TPRG1: variants seen among roughly 807,000 people sequenced by gnomAD.
TPRG1 encodes tumor protein p63 regulated 1, also known as tumor protein p63-regulated gene 1 protein.
TPRG1 carries 29 observed loss-of-function variants against 29.3 expected under a neutral mutation model. That is an observed-to-expected ratio of 0.99 (90% CI 0.74 to 1.35). The LOEUF is 1.35. Among genes scored for constraint, TPRG1 ranks in the 40% most tolerant of loss-of-function variants. The pLI is 0.00. For synonymous variants in TPRG1, 130 were observed against 116.8 expected, an observed-to-expected ratio of 1.11 and a Z score of -0.73; for missense variants, 327 against 335.0, an observed-to-expected ratio of 0.98 and a Z score of 0.19.
Position 189,055,970 on chromosome 3 carries a change from C to T in TPRG1, c.-463+32024C>T, listed in dbSNP as rs542135584. ...TTCCCTGTCCATTTGCTCTTTCTTACTCTGCTTCAATGTCACCTCTTGTAT... is the reference window on the plus strand; with the variant it reads ...TTCCCTGTCCATTTGCTCTTTCTTATTCTGCTTCAATGTCACCTCTTGTAT... On this transcript the variant is annotated intron_variant, in intron 4 of 10. Coordinates refer to the TPRG1 transcript ENST00000433971. Among the ~76,000 whole-genome samples, 9 of 152,082 alleles carry T rather than the reference C, an allele frequency of 5.9e-5. No individual in the cohort carries two copies. The East Asian group carries it at 1.6e-3, about 26-fold the overall frequency.
At chr3:189,014,399 A>G (rs1402552178) in intron 3 of TPRG1, among the ~76,000 whole-genome samples, 1 of 152,080 alleles carries the variant, frequency 6.6e-6, no homozygotes, top group Non-Finnish European at 1.5e-5. Flanking sequence ...CTGGGCCCCC[A>G]CTGTAGGTGA....
At chr3:189,008,421 G>A (rs1001145166) in intron 3 of TPRG1, among the ~76,000 whole-genome samples, 12 of 152,144 alleles carry the variant, frequency 7.9e-5, no homozygotes, top group African/African-American at 2.9e-4. Flanking sequence ...GATGATCAGT[G>A]ATTATTATAG....
At chr3:189,315,051 CAGG>C (rs1168194067) in intron 5 of TPRG1, among the ~76,000 whole-genome samples, 2 of 152,116 alleles carry the variant, frequency 1.3e-5, no homozygotes, top group African/African-American at 4.8e-5. Context: ...AAGGCTAAGG[CAGG>C]AGGACTGCTT....
intron 4 of TPRG1, among the ~76,000 whole-genome samples, chr3:189,057,749 C>CATAT (rs370520919): frequency 2.1e-5 from 3 of 141,852 alleles, no homozygotes; most frequent in South Asian, 2.2e-4. Context: ...TATATATATA[C>CATAT]ATATATATAT....
chr3:189,247,509 G>A (rs1037478478), intron 4 of TPRG1, among the ~76,000 whole-genome samples: 1 of 151,562 alleles, frequency 6.6e-6, no homozygotes, highest in African/African-American at 2.4e-5. Context: ...TGTTTTTTTG[G>A]TATGTAAAAT....
intron 4 of TPRG1, among the ~76,000 whole-genome samples, chr3:189,027,522 T>G (rs1277012682): frequency 2.0e-5 from 3 of 152,208 alleles, no homozygotes; most frequent in Non-Finnish European, 4.4e-5. Flanking sequence ...ACACGCATGG[T>G]GTATGCAAGA....
intron 5 of TPRG1, among the ~76,000 whole-genome samples, chr3:189,166,865 C>G (rs900711747): frequency 6.6e-6 from 1 of 152,076 alleles, no homozygotes; most frequent in Admixed American, 6.6e-5. Context: ...CAATTTAATT[C>G]GACCATATAT....
chr3:189,070,798 C>CA (rs148331382), intron 4 of TPRG1, among the ~76,000 whole-genome samples: 3,716 of 152,070 alleles, frequency 0.024, 117 homozygotes, highest in African/African-American at 0.076. Flanking sequence ...GGAGCAAAGG[C>CA]AATTACCTGA....
intron 4 of TPRG1, among the ~76,000 whole-genome samples, chr3:189,062,483 A>G (rs1258229349): frequency 6.6e-6 from 1 of 152,172 alleles, no homozygotes; most frequent in Non-Finnish European, 1.5e-5. Context: ...GACTGTTAGG[A>G]AGAAAGAAGG....
intron 4 of TPRG1, among the ~76,000 whole-genome samples, chr3:189,252,422 G>GT (rs1742431515): frequency 1.3e-5 from 2 of 152,270 alleles, no homozygotes; most frequent in South Asian, 4.1e-4. Flanking sequence ...CTAGTAGCTA[G>GT]TACATATCTT....
chr3:189,154,507 T>C (rs546760332), intron 5 of TPRG1, among the ~76,000 whole-genome samples: 49 of 151,654 alleles, frequency 3.2e-4, no homozygotes, highest in African/African-American at 1.1e-3. Flanking sequence ...AATGGTGCGA[T>C]CTCGGCTCAC....
chr3:189,128,180 C>T (rs866094479), intron 2 of TPRG1, among the ~76,000 whole-genome samples: 2 of 152,174 alleles, frequency 1.3e-5, no homozygotes, highest in Non-Finnish European at 2.9e-5. Flanking sequence ...TTGTCGTGTA[C>T]TCTTAATGAA....
rs115937263 is a variant in TPRG1, at chr3:189,139,247, T to A, written c.-291+6550T>A. Among the ~76,000 whole-genome samples the A allele has an allele frequency of 3.8e-3, 577 of 152,314 alleles. 6 individuals carry two copies. Among genetic ancestry groups the A allele is most frequent in the African/African-American group, 0.013 (557 of 41,572 alleles). The stretch of plus-strand genomic sequence containing the variant: ...CAAGGGTTGCACAGTAAGTAAGAGA[T>A]GCATCTGCCACTGAAACCCACACTG... On this transcript the variant is annotated intron_variant, in intron 3 of 6. Transcript: ENST00000412373.
chr3:189,193,231 G>A lies in TPRG1; in HGVS notation c.-9-14145G>A, dbSNP rs116326396. Among the ~76,000 whole-genome samples, 298 of 146,562 alleles carry A rather than the reference G, an allele frequency of 2.0e-3. 1 individual carries two copies. Among genetic ancestry groups the A allele is most frequent in the Non-Finnish European group, 3.3e-3 (219 of 67,280 alleles). ...TTTCACTGCAAACTTGAACTTCTGGGCTCAAGCAAGTCTTCCACCTCAGCC... is the reference window on the plus strand; with the variant it reads ...TTTCACTGCAAACTTGAACTTCTGGACTCAAGCAAGTCTTCCACCTCAGCC... On this transcript the variant is annotated intron_variant, in intron 1 of 5. Transcript: ENST00000345063.
chr3:189,231,291 C>T lies in TPRG1; in HGVS notation c.303-7442C>T, dbSNP rs6793494. Reference sequence around the variant, plus strand: ...ATATATATATATATATATATGCACACACACATACATATGGAATTAATGACT... The same window carrying T: ...ATATATATATATATATATATGCACATACACATACATATGGAATTAATGACT... On this transcript the variant is annotated intron_variant, in intron 3 of 5. Coordinates refer to ENST00000345063, the MANE Select transcript of TPRG1 (RefSeq NM_198485.4). Among the ~76,000 whole-genome samples, 970 of 113,152 alleles carry T rather than the reference C, an allele frequency of 8.6e-3. 18 individuals carry two copies. The highest frequency in any genetic ancestry group is 0.032 in the African/African-American group (942 of 29,042). 74.2% of individuals were successfully genotyped at this position (113,152 alleles called of 152,430 possible). A position where few individuals can be genotyped will look rare whatever the true frequency, so the allele number is the denominator to read the frequency against.
At chr3:189,080,911 A>G (rs947428145) in intron 4 of TPRG1, among the ~76,000 whole-genome samples, 1 of 151,964 alleles carries the variant, frequency 6.6e-6, no homozygotes, top group African/African-American at 2.4e-5. Context: ...GGTAGATTTG[A>G]GTGAGAAGAG....
intron 4 of TPRG1, among the ~76,000 whole-genome samples, chr3:189,268,903 G>A (rs953291461): frequency 3.3e-5 from 5 of 152,074 alleles, no homozygotes; most frequent in African/African-American, 7.2e-5. Context: ...CTTTGTTCTC[G>A]CTACTTGTGA....
chr3:189,243,959 T>C (rs904321999), intron 4 of TPRG1, among the ~76,000 whole-genome samples: 4 of 152,188 alleles, frequency 2.6e-5, no homozygotes, highest in African/African-American at 9.7e-5. Flanking sequence ...TTCCTCATCC[T>C]CCTGTCTTCT....
intron 4 of TPRG1, among the ~76,000 whole-genome samples, chr3:189,243,314 C>A (rs1389616063): frequency 6.6e-6 from 1 of 152,114 alleles, no homozygotes; most frequent in Non-Finnish European, 1.5e-5. Context: ...GAGGATGATA[C>A]CCATTCCTGC....
Sources: allele counts gnomAD v4.1 joint callset (sites outside exome capture counted in the v4.1 genomes callset), GRCh38; gene constraint gnomAD v4.1.1; transcripts MANE v1.5; gene names NCBI Gene and HGNC (gene_info 2026-07-23, HGNC 2026-07-21).